The following METTL15 variants were observed in gnomAD, a reference collection of about 807,000 sequenced individuals.
METTL15 encodes 12S rRNA N(4)-cytidine methyltransferase METTL15.
Under a neutral mutation model 38.3 loss-of-function variants are expected in METTL15, and 34 were observed. The observed-to-expected ratio is 0.89, with a 90% confidence interval of 0.68 to 1.18. The LOEUF (loss-of-function observed/expected upper bound fraction) is 1.18. METTL15 is among the 50% of genes most tolerant of loss of function. The probability of loss-of-function intolerance (pLI) is 0.00; values close to 1 mark genes in which losing one functional copy is unlikely to be tolerated. For missense variants in METTL15, 438 were observed against 498.4 expected, an observed-to-expected ratio of 0.88 and a Z score of 1.15; for synonymous variants, 162 against 170.9, an observed-to-expected ratio of 0.95 and a Z score of 0.41.
intron 5 of METTL15, 35 bp from the exon 6 acceptor site, chr11:28,296,718 A>T: frequency 1.2e-6 from 2 of 1,607,842 alleles, no homozygotes; most frequent in Non-Finnish European, 1.7e-6. Flanking sequence ...ATGAGAACTG[A>T]TGTCAGTGAA....
At chr11:28,266,095 T>C (rs1246593102) in intron 4 of METTL15, among the ~76,000 whole-genome samples, 2 of 152,168 alleles carry the variant, frequency 1.3e-5, no homozygotes, top group African/African-American at 4.8e-5. Context: ...ATAGGAACAC[T>C]TTTACACTGT....
At chr11:28,338,198 C>T (rs1849918825), downstream of METTL15, among the ~76,000 whole-genome samples, 1 of 151,966 alleles carries the variant, frequency 6.6e-6, no homozygotes, top group Non-Finnish European at 1.5e-5. Flanking sequence ...CAAAAGGGCC[C>T]CATGCTAAAA....
At chr11:28,336,561 G>A (rs1849902667), downstream of METTL15, among the ~76,000 whole-genome samples, 1 of 152,144 alleles carries the variant, frequency 6.6e-6, no homozygotes, top group East Asian at 1.9e-4. Context: ...GTGGAAGATA[G>A]GTGGACTACA....
intron 5 of METTL15, among the ~76,000 whole-genome samples, chr11:28,375,150 G>A (rs1373884846): frequency 3.4e-5 from 5 of 146,496 alleles, no homozygotes; most frequent in East Asian, 2.0e-4. Flanking sequence ...GTCTCTGCCC[G>A]GCTTTGGTAT....
intron 3 of METTL15, 111 bp downstream of exon 3, chr11:28,113,715 T>A: frequency 8.6e-7 from 1 of 1,167,938 alleles, no homozygotes. Flanking sequence ...TACAGATGAA[T>A]CCCAACTTTT....
At chr11:28,340,153 G>T (rs1279581390) in intron 3 of METTL15, among the ~76,000 whole-genome samples, 4 of 151,748 alleles carry the variant, frequency 2.6e-5, no homozygotes, top group Non-Finnish European at 5.9e-5. Context: ...CAAAATGTTG[G>T]AATCATTTTT....
intron 4 of METTL15, among the ~76,000 whole-genome samples, chr11:28,229,962 C>A (rs1853623449): frequency 6.6e-6 from 1 of 151,924 alleles, no homozygotes; most frequent in African/African-American, 2.4e-5. Context: ...TATCTGTCTT[C>A]TATTCTTTGA....
At chr11:28,396,295 A>C (rs1850568168) in intron 5 of METTL15, among the ~76,000 whole-genome samples, 1 of 152,300 alleles carries the variant, frequency 6.6e-6, no homozygotes, top group Middle Eastern at 3.4e-3. Flanking sequence ...GAAAAGAGGA[A>C]GTCAAATTGT....
chr11:28,528,015 A>G (rs1253812012), downstream of METTL15, among the ~76,000 whole-genome samples: 2 of 152,134 alleles, frequency 1.3e-5, no homozygotes, highest in African/African-American at 4.8e-5. Context: ...AAGAATTTGT[A>G]AAAAAATGAC....
chr11:28,284,987 G>A (rs556101540), intron 4 of METTL15, among the ~76,000 whole-genome samples: 1 of 152,148 alleles, frequency 6.6e-6, no homozygotes, highest in African/African-American at 2.4e-5. Flanking sequence ...TCTTGTAGGC[G>A]GTTTCCCCCA....
intron 3 of METTL15, among the ~76,000 whole-genome samples, chr11:28,159,448 A>G (rs944886184): frequency 7.2e-6 from 1 of 139,846 alleles, no homozygotes; most frequent in Non-Finnish European, 1.6e-5. Flanking sequence ...CTCCACCAGG[A>G]AAAAAAAAAA....
intron 4 of METTL15, among the ~76,000 whole-genome samples, chr11:28,272,725 G>T (rs995394236): frequency 1.3e-5 from 2 of 151,956 alleles, no homozygotes; most frequent in African/African-American, 4.8e-5. Flanking sequence ...ATTAATAAAA[G>T]AAAAAAGAAT....
At chr11:28,220,418 A>G (rs1853144208) in intron 4 of METTL15, among the ~76,000 whole-genome samples, 1 of 152,142 alleles carries the variant, frequency 6.6e-6, no homozygotes, top group East Asian at 1.9e-4. Context: ...TGCTTGGTAG[A>G]TCTTCCTCCA....
chr11:28,256,014 A>G (rs957158621), intron 4 of METTL15, among the ~76,000 whole-genome samples: 4 of 152,150 alleles, frequency 2.6e-5, no homozygotes, highest in African/African-American at 4.8e-5. Flanking sequence ...ATTGATTTTC[A>G]TATGTTGAAT....
rs1857375501 is a variant in METTL15 at position 28,313,455 on chromosome 11, T to C, written c.778+16524T>C. 2.6e-5 allele frequency among the ~76,000 whole-genome samples: 4 copies of C among 152,156 alleles called. No individual in the cohort carries two copies. The South Asian group carries it at 8.3e-4, about 32-fold the overall frequency. ...AATGATTAATGAATTTATGATTCAG[T>C]AATTAAAATTCAAGTTTATAAAGTA... On this transcript the variant is annotated intron_variant, in intron 6 of 6. Coordinates refer to ENST00000407364, the MANE Select transcript of METTL15 (RefSeq NM_001113528.2).
intron 4 of METTL15, among the ~76,000 whole-genome samples, chr11:28,238,009 C>T (rs1297307881): frequency 6.6e-6 from 1 of 152,148 alleles, no homozygotes; most frequent in Non-Finnish European, 1.5e-5. Context: ...GTCAGTCTGC[C>T]CCTGCTGGAG....
At chr11:28,427,440 A>T (rs536786041) in intron 6 of METTL15, among the ~76,000 whole-genome samples, 6 of 152,148 alleles carry the variant, frequency 3.9e-5, no homozygotes, top group Admixed American at 1.3e-4. Flanking sequence ...CCATATGAAT[A>T]TTAAAATAGT....
chr11:28,468,735 C>G (rs1851278204), intron 6 of METTL15, among the ~76,000 whole-genome samples: 1 of 152,112 alleles, frequency 6.6e-6, no homozygotes, highest in African/African-American at 2.4e-5. Flanking sequence ...GTGACAGGGG[C>G]ATTCATACAG....
At chr11:28,468,007 T>G (rs564358350) in intron 6 of METTL15, among the ~76,000 whole-genome samples, 1 of 152,288 alleles carries the variant, frequency 6.6e-6, no homozygotes, top group Admixed American at 6.5e-5. Flanking sequence ...AGATTATGCA[T>G]GAACCACCAC....
Sources: allele counts gnomAD v4.1 joint callset (sites outside exome capture counted in the v4.1 genomes callset), GRCh38; gene constraint gnomAD v4.1.1; transcripts MANE v1.5; gene names NCBI Gene and HGNC (gene_info 2026-07-23, HGNC 2026-07-21).